Variants in DLGAP3 observed in about 807,000 individuals in gnomAD.
DLGAP3 encodes DLG associated protein 3, also known as disks large-associated protein 3.
Under a neutral mutation model 81.2 loss-of-function variants are expected in DLGAP3, and 17 were observed. That is an observed-to-expected ratio of 0.21 (90% CI 0.14 to 0.31). The LOEUF is 0.31. Ranked by LOEUF, DLGAP3 falls within the 10% of genes least tolerant of loss-of-function variation. The pLI, the probability that DLGAP3 is intolerant of heterozygous loss-of-function variation, is 1.00. For missense variants in DLGAP3, 1,124 were observed against 1,388.0 expected (o/e 0.81, Z 3.02); for synonymous variants, 577 against 587.4 (o/e 0.98, Z 0.26).
chr1:34,912,827 A>T (rs1271538286), intron 1 of DLGAP3, among the ~76,000 whole-genome samples: 1 of 152,200 alleles, frequency 6.6e-6, no homozygotes, highest in East Asian at 1.9e-4. Context: ...TCTGACCTGC[A>T]GCTCATACCC....
chr1:34,910,646 G>A lies in DLGAP3; in HGVS notation c.-134-3209C>T, dbSNP rs1569654574. On this transcript the variant is annotated intron_variant, in intron 1 of 11. Transcript: ENST00000373347. ...GGGAAAGCTTTTCCTACCCACCTCTGCCTTGCTAACTCCTACACACCCTTC... is the reference window on the plus strand; with the variant it reads ...GGGAAAGCTTTTCCTACCCACCTCTACCTTGCTAACTCCTACACACCCTTC... 2.0e-5 allele frequency among the ~76,000 whole-genome samples: 3 copies of A among 152,126 alleles called. No individual in the cohort carries two copies. The East Asian group carries it at 5.8e-4, about 29-fold the overall frequency.
At chr1:34,897,563 G>T (rs1170091439) in intron 5 of DLGAP3, among the ~76,000 whole-genome samples, 5 of 152,154 alleles carry the variant, frequency 3.3e-5, no homozygotes, top group Non-Finnish European at 5.9e-5. Flanking sequence ...ACTCCAGCGA[G>T]GTCACCAGGT....
At chr1:34,916,203 A>G (rs535951866) in intron 1 of DLGAP3, among the ~76,000 whole-genome samples, 12 of 152,288 alleles carry the variant, frequency 7.9e-5, no homozygotes, top group African/African-American at 2.9e-4. Context: ...GCTGGACCAG[A>G]ACTCCCCAGC....
intron 3 of DLGAP3, among the ~76,000 whole-genome samples, chr1:34,901,388 A>G (rs1294747325): frequency 6.6e-6 from 1 of 152,194 alleles, no homozygotes. Context: ...TTTCAAGAAT[A>G]AAAGGAGTCG....
At chr1:34,912,977 C>G (rs16837122) in intron 1 of DLGAP3, among the ~76,000 whole-genome samples, 28,528 of 152,194 alleles carry the variant, frequency 0.19, 2,808 homozygotes, top group Middle Eastern at 0.29. Context: ...GTGGCAGGAT[C>G]TCTGTAGTTG....
chr1:34,885,168 C>CAGA, intron 7 of DLGAP3, 105 bp from the exon 8 acceptor site: 1 of 1,107,656 alleles, frequency 9.0e-7, no homozygotes, highest in Non-Finnish European at 1.3e-6. Flanking sequence ...CTGGCAGGTC[C>CAGA]TGCAAAGACC....
rs769723464 is a variant in DLGAP3, at chr1:34,886,115, G to A, written c.1557C>T (p.Pro519=). ...AGACAGCGGCAGGGGTAGCGAGGAG[G>A]GGCAGGCAGTCGTCGTCTTGAGAGC... is the stretch of plus-strand genomic sequence containing the variant. ...AGCSQDDDCL[P]LLATPAAVSG... Residue 519 remains proline, a synonymous_variant, in exon 6 of 12, where the codon CCC becomes CCT. Coordinates refer to ENST00000373347, the MANE Select transcript of DLGAP3 (RefSeq NM_001080418.3). 3 of 1,607,096 alleles carry A rather than the reference G, an allele frequency of 1.9e-6. No homozygotes were observed. The highest frequency in any genetic ancestry group is 1.1e-5 in the South Asian group (1 of 89,796).
chr1:34,907,757 T>C (rs1197832994), intron 1 of DLGAP3, among the ~76,000 whole-genome samples: 1 of 152,196 alleles, frequency 6.6e-6, no homozygotes, highest in Non-Finnish European at 1.5e-5. Context: ...CACAAACATT[T>C]ATTGAACAGT....
intron 7 of DLGAP3, 144 bp from the exon 8 acceptor site, chr1:34,885,207 G>A (rs1032448991): frequency 2.3e-5 from 20 of 880,704 alleles, no homozygotes; most frequent in African/African-American, 3.3e-5. Flanking sequence ...AGAGACCCAG[G>A]CGGTCGGTCA....
intron 1 of DLGAP3, among the ~76,000 whole-genome samples, chr1:34,916,525 A>G (rs1203210099): frequency 6.6e-6 from 1 of 152,234 alleles, no homozygotes; most frequent in African/African-American, 2.4e-5. Context: ...ACAGGTGAGG[A>G]AACTGAAGCT....
rs1340725028 is a variant in DLGAP3, at chr1:34,865,436, T to C, written c.*647A>G. Reference sequence around the variant, plus strand: ...TTCTGGAGAGAGCAGCTGGCTCGAGTGCAGTTCTGCCGTTTTATTTTTCCT... The same window carrying C: ...TTCTGGAGAGAGCAGCTGGCTCGAGCGCAGTTCTGCCGTTTTATTTTTCCT... On this transcript the variant is annotated 3_prime_UTR_variant, in exon 12 of 12. Coordinates refer to ENST00000373347, the MANE Select transcript of DLGAP3 (RefSeq NM_001080418.3). 6.4e-6 allele frequency: 1 copy of C among 155,120 alleles called. No individual in the cohort carries two copies. The highest frequency in any genetic ancestry group is 6.4e-5 in the Admixed American group (1 of 15,550). 9.6% of individuals were successfully genotyped at this position (155,120 alleles called of 1,614,324 possible).
At chr1:34,884,235 T>C (rs1277071378) in intron 8 of DLGAP3, among the ~76,000 whole-genome samples, 1 of 151,960 alleles carries the variant, frequency 6.6e-6, no homozygotes, top group Admixed American at 6.6e-5. Flanking sequence ...ACTAGTTTTA[T>C]TCCTCCAGTC....
At chr1:34,922,779 C>A (rs1278042787) in intron 1 of DLGAP3, among the ~76,000 whole-genome samples, 2 of 152,130 alleles carry the variant, frequency 1.3e-5, no homozygotes, top group Admixed American at 1.3e-4. Context: ...AGATATCCAG[C>A]CCCTCCCCTG....
At chr1:34,928,644 G>T (rs1463638581) in intron 1 of DLGAP3, among the ~76,000 whole-genome samples, 1 of 152,086 alleles carries the variant, frequency 6.6e-6, no homozygotes, top group Non-Finnish European at 1.5e-5. Flanking sequence ...GGACAGTGGG[G>T]GGGACAGAGC....
chr1:34,866,651 T>C (rs1638884929), intron 11 of DLGAP3, among the ~76,000 whole-genome samples: 1 of 152,182 alleles, frequency 6.6e-6, no homozygotes. Context: ...CTGGCCCTCA[T>C]CGCAGACAAG....
intron 5 of DLGAP3, among the ~76,000 whole-genome samples, chr1:34,890,922 CA>C (rs1639301991): frequency 6.6e-6 from 1 of 152,162 alleles, no homozygotes; most frequent in Non-Finnish European, 1.5e-5. Flanking sequence ...GTGACATAAA[CA>C]AAAACTAACT....
At position 34,921,971 on chromosome 1, in the gene DLGAP3, C is replaced by T. The variant is rs565024026; in HGVS notation, c.-135+7480G>A. 5.3e-5 allele frequency among the ~76,000 whole-genome samples: 8 copies of T among 152,294 alleles called. No individual in the cohort carries two copies. The East Asian group carries it at 1.3e-3, about 26-fold the overall frequency. ...AGTAATATGCACATGTACCTGTACA[C>T]GTGTATTGTCACATCTTGTATGTAT... On this transcript the variant is annotated intron_variant, in intron 1 of 11. Transcript: ENST00000373347.
Position 34,899,651 on chromosome 1 carries a change from T to C in DLGAP3, c.1386+18A>G, listed in dbSNP as rs751557658. The C allele has an allele frequency of 1.8e-5, 29 of 1,603,332 alleles. No homozygotes were observed. The highest frequency in any genetic ancestry group is 2.3e-5 in the Non-Finnish European group (27 of 1,170,270). ...CCTTTTTCACTCTTTCCTCCAGGCA[T>C]ACTGGGCCTCTCCCTACCTGTCCAG... On this transcript the variant is annotated intron_variant, in intron 5 of 11. Coordinates refer to ENST00000373347, the MANE Select transcript of DLGAP3 (RefSeq NM_001080418.3).
In DLGAP3 at chr1:34,905,111, C is replaced by T. The variant is rs1197330463; in HGVS notation, c.273G>A (p.Arg91=). The change falls in exon 3 of 12, where the codon AGG becomes AGA. Residue 91 remains arginine, a synonymous_variant. Coordinates refer to ENST00000373347, the MANE Select transcript of DLGAP3 (RefSeq NM_001080418.3). ...CGAAGGGGCCCTGGCCAGGGTACAT[C>T]CTGGGGAAGGTGCTGCTACCCCCCC... The part of the protein sequence containing the change: ...GVGGGSSTFP[R]MYPGQGPFDT... The T allele has an allele frequency of 6.3e-7, 1 of 1,584,354 alleles. No homozygotes were observed. The highest frequency in any genetic ancestry group is 2.3e-5 in the East Asian group (1 of 43,394).
Sources: allele counts gnomAD v4.1 joint callset (sites outside exome capture counted in the v4.1 genomes callset), GRCh38; gene constraint gnomAD v4.1.1; transcripts MANE v1.5; gene names NCBI Gene and HGNC (gene_info 2026-07-23, HGNC 2026-07-21).